The following RBFOX1 variants were observed in gnomAD, a reference collection of about 807,000 sequenced individuals.
RBFOX1 encodes RNA binding protein fox-1 homolog 1.
Under a neutral mutation model 57.7 loss-of-function variants are expected in RBFOX1, and 8 were observed. The observed-to-expected ratio is 0.14, with a 90% CI of 0.08 to 0.25. RBFOX1 has a LOEUF of 0.25. Ranked by LOEUF, RBFOX1 falls within the 10% of genes least tolerant of loss-of-function variation. The pLI is 1.00. For missense variants in RBFOX1, 611 were observed against 548.5 expected, an observed-to-expected ratio of 1.11 and a Z score of -1.14; for synonymous variants, 326 against 222.4, an observed-to-expected ratio of 1.47 and a Z score of -4.15.
chr16:5,794,712 A>G (rs921099120), intron 3 of RBFOX1, among the ~76,000 whole-genome samples: 3 of 152,312 alleles, frequency 2.0e-5, no homozygotes, highest in Middle Eastern at 3.4e-3. Flanking sequence ...TGGCTTAAGA[A>G]ACTTACAAAT....
intron 3 of RBFOX1, among the ~76,000 whole-genome samples, chr16:5,809,767 C>T (rs1203352276): frequency 4.6e-5 from 7 of 152,224 alleles, no homozygotes; most frequent in East Asian, 3.9e-4. Flanking sequence ...GTCAGTGTGG[C>T]GATTCCTCAG....
intron 11 of RBFOX1, among the ~76,000 whole-genome samples, chr16:7,642,399 G>C (rs973545643): frequency 1.3e-5 from 2 of 152,086 alleles, no homozygotes; most frequent in African/African-American, 4.8e-5. Flanking sequence ...CACAGCTATG[G>C]CTGGGACTGA....
chr16:5,924,549 T>C (rs1396253648), intron 4 of RBFOX1, among the ~76,000 whole-genome samples: 2 of 152,168 alleles, frequency 1.3e-5, no homozygotes, highest in Non-Finnish European at 2.9e-5. Flanking sequence ...CCCTGTGATC[T>C]CTGTACTCAC....
intron 4 of RBFOX1, among the ~76,000 whole-genome samples, chr16:7,512,160 G>A (rs2075267409): frequency 6.6e-6 from 1 of 152,210 alleles, no homozygotes; most frequent in South Asian, 2.1e-4. Context: ...TTCTGCAAAT[G>A]AGGGAATGTC....
intron 2 of RBFOX1, among the ~76,000 whole-genome samples, chr16:6,579,796 G>A (rs991840184): frequency 6.6e-6 from 1 of 152,020 alleles, no homozygotes. Context: ...ATGTTGCCCA[G>A]GGTGGTCTCA....
intron 3 of RBFOX1, among the ~76,000 whole-genome samples, chr16:5,769,315 C>T (rs1311592804): frequency 6.6e-6 from 1 of 151,674 alleles, no homozygotes; most frequent in Non-Finnish European, 1.5e-5. Context: ...TAGGGTGGGC[C>T]CTAATCCAGT....
intron 3 of RBFOX1, among the ~76,000 whole-genome samples, chr16:5,707,307 C>T (rs190521252): frequency 7.9e-5 from 12 of 152,290 alleles, no homozygotes; most frequent in Admixed American, 7.2e-4. Flanking sequence ...AAAATTGCTT[C>T]TGTAATTTCT....
At chr16:5,608,196 C>T (rs1342543015) in intron 3 of RBFOX1, among the ~76,000 whole-genome samples, 1 of 152,198 alleles carries the variant, frequency 6.6e-6, no homozygotes, top group Non-Finnish European at 1.5e-5. Context: ...TGTCATAACA[C>T]CCCGGGGGCA....
At chr16:7,542,875 A>T (rs1314829447) in intron 5 of RBFOX1, among the ~76,000 whole-genome samples, 1 of 150,856 alleles carries the variant, frequency 6.6e-6, no homozygotes, top group Admixed American at 6.6e-5. Context: ...AAAGGGAAGG[A>T]TCTAGCTAGG....
chr16:5,285,199 A>C (rs946042555), intron 1 of RBFOX1, among the ~76,000 whole-genome samples: 9 of 152,102 alleles, frequency 5.9e-5, no homozygotes, highest in Admixed American at 2.0e-4. Context: ...CTAGTCTTCA[A>C]CTTCAGAAAT....
intron 3 of RBFOX1, among the ~76,000 whole-genome samples, chr16:6,814,304 A>G (rs919084351): frequency 2.6e-5 from 4 of 152,170 alleles, no homozygotes; most frequent in African/African-American, 9.7e-5. Context: ...CTGATCTTCA[A>G]ACTGAAAGCA....
chr16:6,847,319 A>G (rs1269380072), intron 3 of RBFOX1, among the ~76,000 whole-genome samples: 3 of 152,032 alleles, frequency 2.0e-5, no homozygotes, highest in South Asian at 2.1e-4. Context: ...GCTTCATGCT[A>G]TGGGTCCAGC....
At chr16:6,064,541 T>TA (rs1555493630) in intron 1 of RBFOX1, among the ~76,000 whole-genome samples, 3 of 152,204 alleles carry the variant, frequency 2.0e-5, no homozygotes, top group East Asian at 1.9e-4. Context: ...TTTTCTTTTT[T>TA]TTATTATTAT....
intron 3 of RBFOX1, among the ~76,000 whole-genome samples, chr16:6,991,557 G>C (rs1477078273): frequency 1.3e-5 from 2 of 152,124 alleles, no homozygotes; most frequent in Non-Finnish European, 1.5e-5. Flanking sequence ...GTTGTTTTGA[G>C]ATGGGGTCCC....
chr16:6,054,204 T>A (rs1379453278), intron 1 of RBFOX1, among the ~76,000 whole-genome samples: 1 of 152,198 alleles, frequency 6.6e-6, no homozygotes, highest in African/African-American at 2.4e-5. Flanking sequence ...ATATTTTATT[T>A]CATCCTGCTC....
intron 10 of RBFOX1, among the ~76,000 whole-genome samples, chr16:7,610,215 G>A (rs2057210261): frequency 6.9e-6 from 1 of 145,156 alleles, no homozygotes; most frequent in South Asian, 2.2e-4. Context: ...CGCCTCCCGG[G>A]TTCATGCAAT....
At chr16:7,680,275 G>A (rs371358841) in intron 14 of RBFOX1, among the ~76,000 whole-genome samples, 5 of 152,126 alleles carry the variant, frequency 3.3e-5, no homozygotes, top group South Asian at 2.1e-4. Context: ...TGGGAGGTGC[G>A]GAGGGGGTGG....
intron 1 of RBFOX1, among the ~76,000 whole-genome samples, chr16:6,232,715 C>T (rs1477725334): frequency 6.6e-6 from 1 of 152,172 alleles, no homozygotes; most frequent in African/African-American, 2.4e-5. Context: ...GCCTGCCTGT[C>T]TCTGAGTTTC....
chr16:6,932,266 G>A (rs893464178), intron 3 of RBFOX1, among the ~76,000 whole-genome samples: 2 of 152,046 alleles, frequency 1.3e-5, no homozygotes, highest in Non-Finnish European at 2.9e-5. Flanking sequence ...ACCACACCTG[G>A]CTAATTTTTT....
Sources: allele counts gnomAD v4.1 joint callset (sites outside exome capture counted in the v4.1 genomes callset), GRCh38; gene constraint gnomAD v4.1.1; transcripts MANE v1.5; gene names NCBI Gene and HGNC (gene_info 2026-07-23, HGNC 2026-07-21).